Variants in SEMA5A observed in about 807,000 individuals in gnomAD.
SEMA5A encodes semaphorin-5A.
Under a neutral mutation model 135.5 loss-of-function variants are expected in SEMA5A, and 55 were observed. The ratio of observed to expected loss-of-function variants is 0.41; its 90% CI spans 0.33 to 0.51. The LOEUF is 0.51. Ranked by LOEUF, SEMA5A falls within the 20% of genes least tolerant of loss-of-function variation. The pLI, the probability that SEMA5A is intolerant of heterozygous loss-of-function variation, is 0.37. For synonymous variants in SEMA5A, 580 were observed against 546.5 expected, an observed-to-expected ratio of 1.06 and a Z score of -0.85; for missense variants, 1,290 against 1,419.9, an observed-to-expected ratio of 0.91 and a Z score of 1.47.
At position 9,190,423 on chromosome 5, in the gene SEMA5A, G is replaced by A. The variant is rs1481314681; in HGVS notation, c.1117C>T (p.Leu373=). 6.2e-7 allele frequency: 1 copy of A among 1,613,938 alleles called. No individual in the cohort carries two copies. Among genetic ancestry groups the A allele is most frequent in the Non-Finnish European group, 8.5e-7 (1 of 1,180,038 alleles). The change falls in exon 11 of 23, where the codon CTG becomes TTG. Residue 373 remains leucine (L), a synonymous_variant. Coordinates refer to ENST00000382496, the MANE Select transcript of SEMA5A (RefSeq NM_003966.3). ...GLYVNLTERN[L]QDAQKFILMH... Reference sequence around the variant, plus strand: ...AGAATGAACTTCTGAGCATCCTGCAGATTTCTCTCGGTCAGGTTCACGTAC... The same window carrying A: ...AGAATGAACTTCTGAGCATCCTGCAAATTTCTCTCGGTCAGGTTCACGTAC...
At chr5:9,170,195 T>C (rs1743840133) in intron 11 of SEMA5A, among the ~76,000 whole-genome samples, 1 of 152,146 alleles carries the variant, frequency 6.6e-6, no homozygotes, top group Non-Finnish European at 1.5e-5. Context: ...ATGTCCAGCC[T>C]GGTAGGGTGG....
intron 11 of SEMA5A, among the ~76,000 whole-genome samples, chr5:9,180,185 C>T (rs1323962060): frequency 2.6e-5 from 4 of 152,190 alleles, no homozygotes; most frequent in African/African-American, 9.7e-5. Context: ...CTGGACTTTA[C>T]TAATTACATG....
intron 5 of SEMA5A, among the ~76,000 whole-genome samples, chr5:9,251,474 C>T (rs1363830747): frequency 6.6e-6 from 1 of 152,150 alleles, no homozygotes; most frequent in East Asian, 1.9e-4. Flanking sequence ...ACAATATCAA[C>T]AGCAAAAATT....
intron 11 of SEMA5A, among the ~76,000 whole-genome samples, chr5:9,159,769 A>G (rs181378651): frequency 2.0e-5 from 3 of 152,388 alleles, no homozygotes; most frequent in Admixed American, 2.0e-4. Flanking sequence ...TTATTGCAGC[A>G]CTATTTATAA....
intron 10 of SEMA5A, among the ~76,000 whole-genome samples, chr5:9,196,934 G>A (rs145483297): frequency 1.1e-3 from 160 of 152,322 alleles, no homozygotes; most frequent in African/African-American, 3.6e-3. Flanking sequence ...TTTCCGCCCA[G>A]TCTCAGGCAT....
chr5:9,080,940 G>A (rs1025615750), intron 16 of SEMA5A, among the ~76,000 whole-genome samples: 1 of 152,240 alleles, frequency 6.6e-6, no homozygotes, highest in East Asian at 1.9e-4. Flanking sequence ...GTGTTGGTGG[G>A]TCCTGTGAAG....
intron 6 of SEMA5A, among the ~76,000 whole-genome samples, chr5:9,235,640 G>C (rs751192877): frequency 2.0e-5 from 3 of 151,144 alleles, no homozygotes; most frequent in Non-Finnish European, 2.9e-5. Flanking sequence ...TGGGCTATCA[G>C]CTAAACATTT....
intron 6 of SEMA5A, among the ~76,000 whole-genome samples, chr5:9,237,330 T>C (rs1000076742): frequency 7.2e-5 from 11 of 152,186 alleles, no homozygotes; most frequent in Non-Finnish European, 1.2e-4. Context: ...TTTCCAACCT[T>C]AGCTATAAAC....
At chr5:9,297,609 T>C (rs182692233) in intron 5 of SEMA5A, among the ~76,000 whole-genome samples, 2 of 152,138 alleles carry the variant, frequency 1.3e-5, no homozygotes, top group Admixed American at 1.3e-4. Flanking sequence ...GGCTGGAGTG[T>C]AGTGGCATGA....
At chr5:9,192,577 T>G (rs1745169999) in intron 10 of SEMA5A, among the ~76,000 whole-genome samples, 1 of 151,086 alleles carries the variant, frequency 6.6e-6, no homozygotes, top group African/African-American at 2.4e-5. Context: ...TAGTTGTAAT[T>G]GGGGGGGGGA....
chr5:9,288,680 T>C (rs891766108), intron 5 of SEMA5A, among the ~76,000 whole-genome samples: 1 of 152,200 alleles, frequency 6.6e-6, no homozygotes, highest in Non-Finnish European at 1.5e-5. Context: ...TTTCTAAAAT[T>C]AGGGCAATGC....
chr5:9,182,150 C>CA (rs756489241), intron 11 of SEMA5A, among the ~76,000 whole-genome samples: 1 of 107,166 alleles, frequency 9.3e-6, no homozygotes, highest in East Asian at 2.7e-4. Flanking sequence ...ATTGCTTCTG[C>CA]CCCCCACCCC....
rs201513159 is a variant in SEMA5A at position 9,512,809 on chromosome 5, T to C, written c.-175+32775A>G. On this transcript the variant is annotated intron_variant, in intron 1 of 22. Coordinates refer to ENST00000382496, the MANE Select transcript of SEMA5A (RefSeq NM_003966.3). Reference sequence around the variant, plus strand: ...CTTTCAACGAAAGCACCAATTTGGTTTAGCTACAGATTATTTTTATCTGTT... The same window carrying C: ...CTTTCAACGAAAGCACCAATTTGGTCTAGCTACAGATTATTTTTATCTGTT... Among the ~76,000 whole-genome samples, 5 of 152,060 alleles carry C rather than the reference T, an allele frequency of 3.3e-5. No homozygotes were observed. The East Asian group carries it at 7.8e-4, about 24-fold the overall frequency.
chr5:9,219,380 G>C (rs1182933373), intron 8 of SEMA5A, among the ~76,000 whole-genome samples: 1 of 152,182 alleles, frequency 6.6e-6, no homozygotes, highest in Non-Finnish European at 1.5e-5. Context: ...GCTCAGATGA[G>C]AGGTGAAACA....
At chr5:9,414,508 C>T (rs1757217544) in intron 2 of SEMA5A, among the ~76,000 whole-genome samples, 3 of 152,196 alleles carry the variant, frequency 2.0e-5, no homozygotes, top group African/African-American at 4.8e-5. Context: ...AATAGGTTCA[C>T]TTTCAAACGT....
chr5:9,322,377 G>A (rs1752667768), intron 4 of SEMA5A, among the ~76,000 whole-genome samples: 2 of 152,046 alleles, frequency 1.3e-5, no homozygotes, highest in South Asian at 4.1e-4. Context: ...AAAGGAAGGG[G>A]CAAAGAGGAG....
intron 11 of SEMA5A, among the ~76,000 whole-genome samples, chr5:9,164,300 AAT>A (rs942463851): frequency 6.9e-6 from 1 of 145,622 alleles, no homozygotes; most frequent in African/African-American, 2.5e-5. Flanking sequence ...TATAATTATA[AAT>A]ATATATAATA....
At chr5:9,289,906 T>A (rs976399897) in intron 5 of SEMA5A, among the ~76,000 whole-genome samples, 1 of 152,082 alleles carries the variant, frequency 6.6e-6, no homozygotes, top group African/African-American at 2.4e-5. Flanking sequence ...AAAGTACACA[T>A]AAGACATTTC....
rs1430160534 is a variant in SEMA5A at position 9,382,035 on chromosome 5, C to A, written c.-77-2012G>T. 4.7e-5 allele frequency among the ~76,000 whole-genome samples: 7 copies of A among 149,178 alleles called. No individual in the cohort carries two copies. In the East Asian group the frequency reaches 1.4e-3, roughly 31 times the overall value. On this transcript the variant is annotated intron_variant, in intron 2 of 22. Transcript: ENST00000382496. ...ACGTGGCCAGGCATGGTGGCTCATG[C>A]CTGTAATCCTAGCACTTTGGGAGGC... is the stretch of plus-strand genomic sequence containing the variant.
Sources: gnomAD v4.1 joint callset for allele counts (sites outside exome capture counted in the v4.1 genomes callset) on GRCh38, gnomAD v4.1.1 for gene constraint, MANE v1.5 for transcripts, NCBI Gene and HGNC (gene_info 2026-07-23, HGNC 2026-07-21) for gene names.